The following SPATA17 variants were observed in gnomAD, a reference collection of about 807,000 sequenced individuals.
SPATA17 encodes spermatogenesis associated 17.
In SPATA17, 53 loss-of-function variants were observed where a neutral mutation model predicts 62.2. The ratio of observed to expected loss-of-function variants is 0.85; its 90% CI spans 0.68 to 1.07. The LOEUF is 1.07. SPATA17 is among the 50% of genes least tolerant of loss of function. The pLI is 0.00. For synonymous variants in SPATA17, 146 were observed against 146.8 expected, an observed-to-expected ratio of 0.99 and a Z score of 0.04; for missense variants, 466 against 425.5, an observed-to-expected ratio of 1.10 and a Z score of -0.84.
intron 9 of SPATA17, among the ~76,000 whole-genome samples, chr1:217,851,332 A>G (rs1265624321): frequency 6.6e-6 from 1 of 152,142 alleles, no homozygotes; most frequent in South Asian, 2.1e-4. Context: ...ATCAAGAATT[A>G]TAAATATTGA....
chr1:217,725,162 A>T lies in SPATA17; in HGVS notation c.396-16813A>T, dbSNP rs537774239. On this transcript the variant is annotated intron_variant, in intron 5 of 10. Transcript: ENST00000366933. ...GTGCATTTGAAATTTGGCCTAAAAA[A>T]TTTTTAATGACCAACAAGTTATTCC... Among the ~76,000 whole-genome samples the T allele has an allele frequency of 2.0e-5, 3 of 152,268 alleles. No homozygotes were observed. In the South Asian group the frequency reaches 6.2e-4, roughly 32 times the overall value.
At chr1:217,725,914 A>ATAGGCTG (rs1192926447) in intron 5 of SPATA17, among the ~76,000 whole-genome samples, 1 of 152,172 alleles carries the variant, frequency 6.6e-6, no homozygotes, top group Non-Finnish European at 1.5e-5. Flanking sequence ...TTGTCTTAAT[A>ATAGGCTG]TAGGCTGTAT....
At position 217,674,747 on chromosome 1, in the gene SPATA17, C is replaced by G. The variant is rs533888478; in HGVS notation, c.291+5664C>G. ...TTAACAGCTGGTTCGGTCCCTTGCC[C>G]TGCTCTGGCCTGTGGCTCCAGGGCT... On this transcript the variant is annotated intron_variant, in intron 4 of 10. Transcript: ENST00000366933. Among the ~76,000 whole-genome samples, 7 of 152,324 alleles carry G rather than the reference C, an allele frequency of 4.6e-5. No individual in the cohort carries two copies. In the East Asian group the frequency reaches 1.2e-3, roughly 25 times the overall value.
In SPATA17 at chr1:217,659,035, A is replaced by G. The variant is rs530124708; in HGVS notation, c.240+7857A>G. On this transcript the variant is annotated intron_variant, in intron 3 of 10. Coordinates refer to ENST00000366933, the MANE Select transcript of SPATA17 (RefSeq NM_138796.4). ...CCTGATGATATTACTGCCTGGGGGG[A>G]AGAGAACTGAGTAGTTGAGGGACAG... Among the ~76,000 whole-genome samples the G allele has an allele frequency of 3.7e-4, 57 of 152,204 alleles. 1 individual carries two copies. The highest frequency in any genetic ancestry group is 1.2e-3 in the African/African-American group (50 of 41,536).
intron 5 of SPATA17, among the ~76,000 whole-genome samples, chr1:217,711,036 A>T (rs904161954): frequency 1.8e-4 from 28 of 152,362 alleles, no homozygotes; most frequent in African/African-American, 6.0e-4. Context: ...TCGTATGAAT[A>T]AACCACATAT....
chr1:217,768,293 C>T (rs989949571), intron 6 of SPATA17, among the ~76,000 whole-genome samples: 14 of 152,002 alleles, frequency 9.2e-5, no homozygotes, highest in African/African-American at 1.4e-4. Context: ...TCATTTTATA[C>T]AGAATTAAGT....
At chr1:217,851,497 AAG>A (rs1392936025) in intron 9 of SPATA17, among the ~76,000 whole-genome samples, 1 of 152,162 alleles carries the variant, frequency 6.6e-6, no homozygotes, top group Non-Finnish European at 1.5e-5. Flanking sequence ...AAAACCTTGT[AAG>A]AAAAAACTGT....
chr1:217,843,722 C>G (rs1377078862), intron 9 of SPATA17, among the ~76,000 whole-genome samples: 3 of 152,068 alleles, frequency 2.0e-5, no homozygotes, highest in African/African-American at 4.8e-5. Flanking sequence ...ATAGATTATA[C>G]ATAAATAAGT....
chr1:217,760,745 G>A (rs1673153502), intron 6 of SPATA17, among the ~76,000 whole-genome samples: 2 of 152,144 alleles, frequency 1.3e-5, no homozygotes, highest in African/African-American at 2.4e-5. Flanking sequence ...GTCTAGTTCT[G>A]TAATTCTGGA....
At position 217,858,350 on chromosome 1, in the gene SPATA17, A is replaced by G. The variant is rs186881885; in HGVS notation, c.1006-4424A>G. On this transcript the variant is annotated intron_variant, in intron 9 of 10. Transcript: ENST00000366933. ...GTAGGTATAATATGAATAGACTTCTATTATTTAAGGAATGAGAGAGGAAAA... is the reference window on the plus strand; with the variant it reads ...GTAGGTATAATATGAATAGACTTCTGTTATTTAAGGAATGAGAGAGGAAAA... Among the ~76,000 whole-genome samples, 33 of 152,324 alleles carry G rather than the reference A, an allele frequency of 2.2e-4. No individual in the cohort carries two copies. In the East Asian group the frequency reaches 6.0e-3, roughly 28 times the overall value.
chr1:217,743,183 A>T (rs1672665639), intron 6 of SPATA17, among the ~76,000 whole-genome samples: 1 of 152,086 alleles, frequency 6.6e-6, no homozygotes, highest in Non-Finnish European at 1.5e-5. Context: ...GTAGAAATAG[A>T]TATGGCACTC....
intron 5 of SPATA17, among the ~76,000 whole-genome samples, chr1:217,709,029 A>G (rs553763131): frequency 6.6e-6 from 1 of 152,336 alleles, no homozygotes; most frequent in Non-Finnish European, 1.5e-5. Flanking sequence ...CATTGAAGGA[A>G]CATACTTCAA....
At chr1:217,712,584 C>T (rs897436870) in intron 5 of SPATA17, among the ~76,000 whole-genome samples, 2 of 152,058 alleles carry the variant, frequency 1.3e-5, no homozygotes, top group Non-Finnish European at 2.9e-5. Context: ...AGGCCTTTTC[C>T]TTCCATTCTG....
At chr1:217,841,869 A>G (rs1422356928) in intron 9 of SPATA17, among the ~76,000 whole-genome samples, 1 of 151,144 alleles carries the variant, frequency 6.6e-6, no homozygotes, top group Non-Finnish European at 1.5e-5. Flanking sequence ...ATAAATATAT[A>G]TAACCATATA....
At chr1:217,715,227 T>G (rs1671974118) in intron 5 of SPATA17, among the ~76,000 whole-genome samples, 1 of 152,300 alleles carries the variant, frequency 6.6e-6, no homozygotes, top group Middle Eastern at 3.4e-3. Context: ...TAAAAAATCT[T>G]CACCGTATTA....
chr1:217,797,611 G>C (rs1379646430), intron 8 of SPATA17, among the ~76,000 whole-genome samples: 2 of 152,070 alleles, frequency 1.3e-5, no homozygotes, highest in Non-Finnish European at 2.9e-5. Context: ...ATTAATTTTT[G>C]AGCAGGTGTA....
At chr1:217,736,140 A>G (rs1191872674) in intron 5 of SPATA17, among the ~76,000 whole-genome samples, 1 of 152,158 alleles carries the variant, frequency 6.6e-6, no homozygotes, top group Non-Finnish European at 1.5e-5. Flanking sequence ...GGAAAAGAAA[A>G]TCTGCAATGC....
chr1:217,722,633 A>G (rs1198315445), intron 5 of SPATA17, among the ~76,000 whole-genome samples: 1 of 152,192 alleles, frequency 6.6e-6, no homozygotes, highest in East Asian at 1.9e-4. Flanking sequence ...TAAAGTCTTC[A>G]AAGAATAAAT....
At chr1:217,749,985 C>CTCTCTCTATATATATATATA in intron 6 of SPATA17, among the ~76,000 whole-genome samples, 20 of 12,304 alleles carry the variant, frequency 1.6e-3, no homozygotes, top group Non-Finnish European at 2.4e-3. Context: ...CTCTCTCTCT[C>CTCTCTCTATATATATATATA]TATATATATA....
Sources: gnomAD v4.1 joint callset for allele counts (sites outside exome capture counted in the v4.1 genomes callset) on GRCh38, gnomAD v4.1.1 for gene constraint, MANE v1.5 for transcripts, NCBI Gene and HGNC (gene_info 2026-07-23, HGNC 2026-07-21) for gene names.